The following DIAPH3 variants were observed in gnomAD, a reference collection of about 807,000 sequenced individuals.
The protein encoded by DIAPH3 is protein diaphanous homolog 3.
Under a neutral mutation model 144.3 loss-of-function variants are expected in DIAPH3, and 117 were observed. The observed-to-expected ratio is 0.81, with a 90% CI of 0.70 to 0.95. DIAPH3 has a LOEUF of 0.95. Ranked by LOEUF, DIAPH3 falls within the 40% of genes least tolerant of loss-of-function variation. The pLI is 0.00. For synonymous variants in DIAPH3, 519 were observed against 488.9 expected, an observed-to-expected ratio of 1.06 and a Z score of -0.81; for missense variants, 1,421 against 1,412.7, an observed-to-expected ratio of 1.01 and a Z score of -0.09.
intron 5 of DIAPH3, among the ~76,000 whole-genome samples, chr13:60,032,196 A>T (rs917476529): frequency 1.3e-5 from 2 of 152,158 alleles, no homozygotes; most frequent in Admixed American, 6.5e-5. Flanking sequence ...GAGTGTCTAT[A>T]GCTTTTCCAG....
At chr13:59,712,558 T>G (rs2034807555) in intron 27 of DIAPH3, among the ~76,000 whole-genome samples, 1 of 152,170 alleles carries the variant, frequency 6.6e-6, no homozygotes, top group South Asian at 2.1e-4. Flanking sequence ...CCTCAATCCA[T>G]TCTCCATATA....
At chr13:59,791,122 G>A (rs1431176214) in intron 25 of DIAPH3, among the ~76,000 whole-genome samples, 3 of 151,964 alleles carry the variant, frequency 2.0e-5, no homozygotes, top group African/African-American at 7.3e-5. Context: ...ACTATACCAT[G>A]CCCAAGTAAT....
intron 21 of DIAPH3, among the ~76,000 whole-genome samples, chr13:59,875,467 G>C (rs1437223305): frequency 6.6e-6 from 1 of 151,822 alleles, no homozygotes; most frequent in African/African-American, 2.4e-5. Flanking sequence ...AGGTCCTTAA[G>C]AGGCCCAGAA....
At chr13:59,862,356 T>C (rs1217283126) in intron 21 of DIAPH3, among the ~76,000 whole-genome samples, 1 of 152,072 alleles carries the variant, frequency 6.6e-6, no homozygotes, top group African/African-American at 2.4e-5. Context: ...TGAGAGATGA[T>C]CAGATATACA....
chr13:59,925,887 T>C (rs530558020), intron 17 of DIAPH3, among the ~76,000 whole-genome samples: 1 of 152,294 alleles, frequency 6.6e-6, no homozygotes, highest in South Asian at 2.1e-4. Flanking sequence ...CCTTTTTTGA[T>C]TTTGATTTTA....
At chr13:60,096,319 A>G (rs1178877793) in intron 3 of DIAPH3, among the ~76,000 whole-genome samples, 1 of 152,232 alleles carries the variant, frequency 6.6e-6, no homozygotes, top group Non-Finnish European at 1.5e-5. Flanking sequence ...AAAGCCCTTT[A>G]GTTGTGGCTG....
intron 17 of DIAPH3, among the ~76,000 whole-genome samples, chr13:59,948,898 AAGGAAGG>A (rs2048949423): frequency 6.9e-6 from 1 of 145,586 alleles, no homozygotes; most frequent in Non-Finnish European, 1.5e-5. Context: ...GGAAGGAAGG[AAGGAAGG>A]AAACTTCAAC....
intron 20 of DIAPH3, among the ~76,000 whole-genome samples, chr13:59,905,689 T>G (rs201135420): frequency 7.2e-5 from 11 of 152,106 alleles, no homozygotes; most frequent in East Asian, 3.9e-4. Flanking sequence ...TTGGATTATC[T>G]GGGAAGGCCC....
chr13:60,107,065 G>T (rs2058439861), intron 3 of DIAPH3, among the ~76,000 whole-genome samples: 1 of 152,126 alleles, frequency 6.6e-6, no homozygotes, highest in African/African-American at 2.4e-5. Flanking sequence ...AACTTTAATA[G>T]TGTGTGAGGT....
intron 12 of DIAPH3, among the ~76,000 whole-genome samples, chr13:59,987,436 T>C (rs1026460074): frequency 9.9e-5 from 13 of 131,612 alleles, no homozygotes; most frequent in Admixed American, 7.2e-4. Context: ...GTAACTAACC[T>C]GCACAATGTG....
chr13:59,881,301 A>T (rs932178129), intron 20 of DIAPH3, among the ~76,000 whole-genome samples: 2 of 152,112 alleles, frequency 1.3e-5, no homozygotes, highest in Non-Finnish European at 2.9e-5. Context: ...GACATACAAA[A>T]GAGCACTCAC....
chr13:59,926,500 T>C (rs905738190), intron 17 of DIAPH3, among the ~76,000 whole-genome samples: 6 of 152,224 alleles, frequency 3.9e-5, no homozygotes, highest in Admixed American at 3.3e-4. Context: ...GGTTTTGGTA[T>C]ATTTTGTTTC....
chr13:60,112,058 T>C lies in DIAPH3; in HGVS notation c.342A>G (p.Pro114=). ...AGAGTTCATTCTCTGACAGTGGCTT[T>C]GGAAAGTTCTCCATCATCTCTAAAG... The part of the protein sequence containing the change: ...AAPLEMMENF[P]KPLSENELLE... The change falls in exon 3 of 28, where the codon CCA becomes CCG. Residue 114 remains proline, a synonymous_variant. Coordinates refer to ENST00000400324, the MANE Select transcript of DIAPH3 (RefSeq NM_001042517.2). 1 of 1,614,120 alleles carries C rather than the reference T, an allele frequency of 6.2e-7. No homozygotes were observed. Among genetic ancestry groups the C allele is most frequent in the Non-Finnish European group, 8.5e-7 (1 of 1,179,956 alleles).
intron 24 of DIAPH3, among the ~76,000 whole-genome samples, chr13:59,823,155 G>T (rs2041169013): frequency 6.6e-6 from 1 of 152,102 alleles, no homozygotes; most frequent in Non-Finnish European, 1.5e-5. Context: ...GAACCTGGCA[G>T]TCAAATCCAG....
chr13:59,774,401 G>A (rs558728989), intron 26 of DIAPH3, among the ~76,000 whole-genome samples, 153 bp from the exon 27 acceptor site: 12 of 152,260 alleles, frequency 7.9e-5, no homozygotes, highest in African/African-American at 2.9e-4. Flanking sequence ...GTAATGTTAT[G>A]ACTTTTACTT....
chr13:59,833,307 G>C, intron 23 of DIAPH3, 36 bp from the exon 24 acceptor site: 2 of 1,545,712 alleles, frequency 1.3e-6, no homozygotes, highest in Non-Finnish European at 1.8e-6. Flanking sequence ...AATTTACAAA[G>C]TAATGCTTTG....
At chr13:59,717,692 T>A (rs2035129977) in intron 27 of DIAPH3, among the ~76,000 whole-genome samples, 1 of 152,148 alleles carries the variant, frequency 6.6e-6, no homozygotes, top group African/African-American at 2.4e-5. Context: ...GGCTTTCCCA[T>A]ATAACTGGAA....
chr13:60,153,138 G>A (rs1383524711), intron 1 of DIAPH3, among the ~76,000 whole-genome samples: 1 of 151,934 alleles, frequency 6.6e-6, no homozygotes, highest in Non-Finnish European at 1.5e-5. Context: ...CTCAATGAGG[G>A]CCAAGCAACA....
In DIAPH3 at chr13:60,010,397, T is replaced by C; in HGVS notation, c.908+136A>G. On this transcript the variant is annotated intron_variant, in intron 8 of 27. Transcript: ENST00000400324. ...AAAATTTCCAGCCAATAAGAAACTA[T>C]ATTAGCTGCTTAAATATACCTCAAC... 1.2e-5 allele frequency: 11 copies of C among 914,678 alleles called. No individual in the cohort carries two copies. In the South Asian group the frequency reaches 1.4e-4, roughly 12 times the overall value. The allele number at this position is 914,678 out of a possible 1,614,324, so 56.7% of individuals were successfully genotyped here.
Sources: allele counts gnomAD v4.1 joint callset (sites outside exome capture counted in the v4.1 genomes callset), GRCh38; gene constraint gnomAD v4.1.1; transcripts MANE v1.5; gene names NCBI Gene and HGNC (gene_info 2026-07-23, HGNC 2026-07-21).